The following HPSE2 variants were observed in gnomAD, a reference collection of about 807,000 sequenced individuals.
HPSE2 encodes the protein heparanase 2 (inactive).
Under a neutral mutation model 60.5 loss-of-function variants are expected in HPSE2, and 38 were observed. The observed-to-expected ratio is 0.63, with a 90% confidence interval of 0.48 to 0.82. HPSE2 has a LOEUF of 0.82. HPSE2 is among the 40% of genes least tolerant of loss of function. The pLI is 0.00. For missense variants in HPSE2, 713 were observed against 740.4 expected, an observed-to-expected ratio of 0.96 and a Z score of 0.43; for synonymous variants, 295 against 293.2, an observed-to-expected ratio of 1.01 and a Z score of -0.06.
the HPSE2 span, among the ~76,000 whole-genome samples, chr10:99,261,790 C>A: frequency 6.6e-6 from 1 of 152,186 alleles, no homozygotes; most frequent in African/African-American, 2.4e-5. Context: ...ATCTCCAGCA[C>A]AAAAGAACTT....
intron 3 of HPSE2, among the ~76,000 whole-genome samples, chr10:99,119,885 C>G (rs1461567336): frequency 6.6e-6 from 1 of 152,190 alleles, no homozygotes; most frequent in Non-Finnish European, 1.5e-5. Flanking sequence ...GACTAACTGG[C>G]TAGCCATATG....
the HPSE2 span, among the ~76,000 whole-genome samples, chr10:99,249,266 G>A: frequency 6.6e-6 from 1 of 152,238 alleles, no homozygotes; most frequent in Non-Finnish European, 1.5e-5. Context: ...GCTGAGCCCT[G>A]CAGAGCTAAA....
intron 9 of HPSE2, among the ~76,000 whole-genome samples, chr10:98,549,484 T>C (rs1943796121): frequency 6.6e-6 from 1 of 152,194 alleles, no homozygotes; most frequent in African/African-American, 2.4e-5. Flanking sequence ...ATTAGGTCTA[T>C]TCTCTTGCTA....
chr10:98,960,746 T>TTTTTTTTTTTTTA (rs1955653455), intron 3 of HPSE2, among the ~76,000 whole-genome samples: 1 of 129,862 alleles, frequency 7.7e-6, no homozygotes, highest in Non-Finnish European at 1.7e-5. Context: ...TTTTATTTTT[T>TTTTTTTTTTTTTA]TTTTTATTAT....
At chr10:99,121,062 C>T (rs1844933517) in intron 3 of HPSE2, among the ~76,000 whole-genome samples, 1 of 152,086 alleles carries the variant, frequency 6.6e-6, no homozygotes, top group South Asian at 2.1e-4. Context: ...ACCTAAATGC[C>T]CATCAATGGT....
chr10:99,287,393 G>T, the HPSE2 span, among the ~76,000 whole-genome samples: 1 of 152,044 alleles, frequency 6.6e-6, no homozygotes, highest in African/African-American at 2.4e-5. Context: ...AGGCCAACAT[G>T]GAGTGTCCAA....
At chr10:98,934,190 T>C (rs541194616) in intron 3 of HPSE2, among the ~76,000 whole-genome samples, 1 of 144,546 alleles carries the variant, frequency 6.9e-6, no homozygotes, top group South Asian at 2.1e-4. Context: ...GATGTGTCTC[T>C]TGAATACAGC....
the HPSE2 span, among the ~76,000 whole-genome samples, chr10:99,251,926 C>A: frequency 6.8e-6 from 1 of 147,836 alleles, no homozygotes; most frequent in Non-Finnish European, 1.5e-5. Context: ...GTAGTCGCAG[C>A]TACTCAGTGG....
At chr10:99,226,575 C>T (rs1367749692) in intron 2 of HPSE2, among the ~76,000 whole-genome samples, 1 of 151,950 alleles carries the variant, frequency 6.6e-6, no homozygotes, top group African/African-American at 2.4e-5. Context: ...ATCAATATGA[C>T]TTATCTGCTG....
intron 9 of HPSE2, among the ~76,000 whole-genome samples, chr10:98,579,420 A>G (rs933358072): frequency 6.6e-6 from 1 of 152,188 alleles, no homozygotes; most frequent in Non-Finnish European, 1.5e-5. Flanking sequence ...AAAACAGAGT[A>G]AGACTTGCCA....
In HPSE2 at chr10:98,852,159, GTGTGTGTA is replaced by G. The variant is rs1175900219; in HGVS notation, c.611-108111_611-108104del. Among the ~76,000 whole-genome samples the G allele has an allele frequency of 6.6e-3, 864 of 130,326 alleles. 18 individuals are homozygous for G. The highest frequency in any genetic ancestry group is 0.027 in the African/African-American group (806 of 29,484). 85.5% of individuals were successfully genotyped at this position (130,326 alleles called of 152,430 possible). On this transcript the variant is annotated intron_variant, in intron 3 of 11. Transcript: ENST00000370552. The stretch of plus-strand genomic sequence containing the variant: ...TGTGTGTGTGTGTGTGTGTGTGTGT[GTGTGTGTA>G]TATATGTTTGGTTTTCATCCATCCT...
chr10:98,976,296 G>A (rs1218509367), intron 3 of HPSE2, among the ~76,000 whole-genome samples: 1 of 152,088 alleles, frequency 6.6e-6, no homozygotes, highest in Admixed American at 6.6e-5. Context: ...AATAGTTAAT[G>A]CATATTAAGT....
At chr10:98,702,794 A>T (rs1021705728) in intron 5 of HPSE2, among the ~76,000 whole-genome samples, 14 of 152,098 alleles carry the variant, frequency 9.2e-5, no homozygotes, top group Non-Finnish European at 1.9e-4. Flanking sequence ...GAGCAGAGGG[A>T]AATTTACAGC....
chr10:98,982,140 A>G (rs1248686812), intron 3 of HPSE2, among the ~76,000 whole-genome samples: 1 of 152,034 alleles, frequency 6.6e-6, no homozygotes, highest in East Asian at 1.9e-4. Context: ...TCAGAAATTC[A>G]GGTAAAGATA....
intron 3 of HPSE2, among the ~76,000 whole-genome samples, chr10:98,768,427 G>A (rs1041316535): frequency 1.3e-5 from 2 of 152,000 alleles, no homozygotes; most frequent in African/African-American, 4.8e-5. Flanking sequence ...ATTTGTTTTT[G>A]TCAGTTTATA....
chr10:98,814,290 T>C (rs967253598), intron 3 of HPSE2, among the ~76,000 whole-genome samples: 14 of 152,194 alleles, frequency 9.2e-5, no homozygotes, highest in Non-Finnish European at 2.1e-4. Flanking sequence ...GATTTTTGTG[T>C]ATTGACTTTA....
At chr10:98,751,867 A>C (rs1949766283) in intron 3 of HPSE2, among the ~76,000 whole-genome samples, 1 of 152,240 alleles carries the variant, frequency 6.6e-6, no homozygotes, top group Non-Finnish European at 1.5e-5. Context: ...ATGAGTTGTG[A>C]TAGAACTCAA....
At chr10:98,773,562 T>C (rs1405431133) in intron 3 of HPSE2, among the ~76,000 whole-genome samples, 1 of 152,204 alleles carries the variant, frequency 6.6e-6, no homozygotes, top group Non-Finnish European at 1.5e-5. Context: ...TGGCAATATG[T>C]ATCAAAAGCT....
chr10:99,179,270 G>A (rs1353416000), intron 2 of HPSE2, among the ~76,000 whole-genome samples: 2 of 152,204 alleles, frequency 1.3e-5, no homozygotes, highest in Admixed American at 1.3e-4. Context: ...TTTTCGCTAG[G>A]GCAATCAGGC....
Sources: gnomAD v4.1 joint callset for allele counts (sites outside exome capture counted in the v4.1 genomes callset) on GRCh38, gnomAD v4.1.1 for gene constraint, MANE v1.5 for transcripts, NCBI Gene and HGNC (gene_info 2026-07-23, HGNC 2026-07-21) for gene names.